Variants in MBD1 observed in about 807,000 individuals in gnomAD.
The protein encoded by MBD1 is methyl-CpG-binding domain protein 1.
A neutral mutation model predicts 82.6 loss-of-function variants in MBD1; 25 were observed. The ratio of observed to expected loss-of-function variants is 0.30; its 90% CI spans 0.22 to 0.42. The LOEUF (loss-of-function observed/expected upper bound fraction) is 0.42, where lower values mean the gene tolerates loss of function less well. Ranked by LOEUF, MBD1 falls within the 10% of genes least tolerant of loss-of-function variation. The pLI is 1.00. For missense variants in MBD1, 627 were observed against 819.6 expected (o/e 0.76, Z 2.87); for synonymous variants, 301 against 303.7 (o/e 0.99, Z 0.09).
upstream of MBD1, chr18:50,281,694 A>T (rs142148331): frequency 7.4e-3 from 3,094 of 419,816 alleles, 18 homozygotes; most frequent in Non-Finnish European, 0.011. Flanking sequence ...CTGCGTGCTG[A>T]CGTTCAACGA....
Position 50,274,940 on chromosome 18 carries a change from G to A in MBD1, c.978+37C>T, listed in dbSNP as rs141389875. The A allele has an allele frequency of 4.1e-4, 654 of 1,607,762 alleles. 6 individuals are homozygous for A. In the Middle Eastern group the frequency reaches 0.018, roughly 43 times the overall value. Reference sequence around the variant, plus strand: ...CTTTGAAGTTAACCAAGCGTCCTGAGATTCTAGGCTTATCCAGGTAGGGTG... The same window carrying A: ...CTTTGAAGTTAACCAAGCGTCCTGAAATTCTAGGCTTATCCAGGTAGGGTG... On this transcript the variant is annotated intron_variant, in intron 10 of 16. Transcript: ENST00000269468.
intron 16 of MBD1, chr18:50,270,574 G>C (rs1599219354): frequency 1.2e-5 from 4 of 336,180 alleles, no homozygotes; most frequent in East Asian, 1.5e-4. Flanking sequence ...GGCTGAAGAG[G>C]GGGAGTCAGG....
chr18:50,273,935 A>G, intron 11 of MBD1, 72 bp from the exon 12 acceptor site: 2 of 1,561,260 alleles, frequency 1.3e-6, no homozygotes, highest in Non-Finnish European at 1.8e-6. Flanking sequence ...CCGGCTCCAC[A>G]TGCCTGCTAA....
chr18:50,271,202 T>C, intron 16 of MBD1: 2 of 1,315,884 alleles, frequency 1.5e-6, no homozygotes, highest in Non-Finnish European at 1.9e-6. Context: ...ATATTACCTT[T>C]CTCCAACCCA....
intron 8 of MBD1, 62 bp downstream of exon 8, chr18:50,275,538 G>C: frequency 6.2e-7 from 1 of 1,613,398 alleles, no homozygotes; most frequent in East Asian, 2.2e-5. Context: ...AGGTTGAAAG[G>C]AAGCAGAGGC....
Position 50,269,364 on chromosome 18 carries a change from C to T in MBD1, c.*487G>A, listed in dbSNP as rs757492854. 1.2e-5 allele frequency: 16 copies of T among 1,315,382 alleles called. No homozygotes were observed. The highest frequency in any genetic ancestry group is 1.5e-5 in the African/African-American group (1 of 67,338). The allele number at this position is 1,315,382 out of a possible 1,614,324, so 81.5% of individuals were successfully genotyped here. On this transcript the variant is annotated 3_prime_UTR_variant, in exon 17 of 17. Coordinates refer to ENST00000269468, the MANE Select transcript of MBD1 (RefSeq NM_015846.4). ...GTCACCTTGGTGAGGCTATGTTTCC[C>T]GGAACTCTCTTCCAGTAAGATGGGC... is the stretch of plus-strand genomic sequence containing the variant.
downstream of MBD1, chr18:50,267,499 G>A: frequency 1.2e-6 from 1 of 818,264 alleles, no homozygotes. Context: ...AGAGTCTGAG[G>A]GTCACAGTGG....
At chr18:50,275,554 C>T (rs200510849) in intron 8 of MBD1, 46 bp downstream of exon 8, 236 of 1,613,866 alleles carry the variant, frequency 1.5e-4, no homozygotes, top group Non-Finnish European at 1.8e-4. Flanking sequence ...GAGGCAGCGA[C>T]GATTTTAACA....
upstream of MBD1, chr18:50,281,564 T>C (rs1329956912): frequency 1.7e-6 from 1 of 575,208 alleles, no homozygotes; most frequent in Admixed American, 3.2e-5. Flanking sequence ...GCTCCGCCTC[T>C]GGCTAAGCAC....
upstream of MBD1, chr18:50,281,665 T>C (rs530847060): frequency 9.2e-6 from 4 of 434,786 alleles, no homozygotes; most frequent in African/African-American, 6.0e-5. Context: ...CGCGCCCCCC[T>C]GCCGAGAGCC....
Position 50,269,134 on chromosome 18 carries a change from A to G in MBD1, c.*717T>C. On this transcript the variant is annotated 3_prime_UTR_variant, in exon 17 of 17. Transcript: ENST00000269468. ...AGTGCCTACCACAGGCCAGGTTCTC[A>G]ATACTTGAATAAATGACACAAAAAT... is the stretch of plus-strand genomic sequence containing the variant. 9.7e-7 allele frequency: 1 copy of G among 1,033,618 alleles called. No homozygotes were observed. The highest frequency in any genetic ancestry group is 1.2e-6 in the Non-Finnish European group (1 of 859,058). The allele number at this position is 1,033,618 out of a possible 1,614,324, so 64.0% of individuals were successfully genotyped here.
chr18:50,275,818 C>T lies in MBD1; in HGVS notation c.663+17G>A. 1.9e-6 allele frequency: 3 copies of T among 1,614,170 alleles called. No individual in the cohort carries two copies. The highest frequency in any genetic ancestry group is 2.5e-6 in the Non-Finnish European group (3 of 1,180,030). ...GGCCGAGGTGAGCCTTGGGCTCTTTCCACTTGCCCAACTCACCCTTTCCAC... is the reference window on the plus strand; with the variant it reads ...GGCCGAGGTGAGCCTTGGGCTCTTTTCACTTGCCCAACTCACCCTTTCCAC... On this transcript the variant is annotated intron_variant, in intron 7 of 16. Transcript: ENST00000269468.
chr18:50,276,159 G>T, intron 6 of MBD1, 178 bp from the exon 7 acceptor site: 1 of 867,908 alleles, frequency 1.2e-6, no homozygotes, highest in Non-Finnish European at 1.8e-6. Context: ...ATGTCTACTG[G>T]TCCCCTGTTC....
At chr18:50,270,087 T>C (rs751294842) in intron 16 of MBD1, 3 of 1,597,958 alleles carry the variant, frequency 1.9e-6, no homozygotes, top group Non-Finnish European at 8.5e-7. Flanking sequence ...GGTTGGTTCC[T>C]GGGGGAAACA....
intron 11 of MBD1, 62 bp downstream of exon 11, chr18:50,274,124 C>A (rs1398302809): frequency 6.2e-7 from 1 of 1,605,770 alleles, no homozygotes; most frequent in Non-Finnish European, 8.5e-7. Context: ...CCCACCACTT[C>A]CAGGCACTGG....
chr18:50,272,701 C>G lies in MBD1; in HGVS notation c.1754G>C (p.Arg585Pro). ...CCTTGGCAACCAGACTGCTGTATCTCGGAAGCGGGTTCCACCCAGGCTGAA... is the reference window on the plus strand; with the variant it reads ...CCTTGGCAACCAGACTGCTGTATCTGGGAAGCGGGTTCCACCCAGGCTGAA... ...EIFSLGGTRF[R>P]DTAVWLPRSK... Residue 585 changes from arginine (R) to proline (P), a missense_variant, in exon 15 of 17, where the codon CGA (arginine) becomes CCA (proline). Physicochemically the swap from Arg to Pro is moderately radical, Grantham distance 103 (BLOSUM62 -2). Coordinates refer to ENST00000269468, the MANE Select transcript of MBD1 (RefSeq NM_015846.4). 1 of 1,614,166 alleles carries G rather than the reference C, an allele frequency of 6.2e-7. No individual in the cohort carries two copies. The highest frequency in any genetic ancestry group is 1.3e-5 in the African/African-American group (1 of 75,050).
At chr18:50,273,498 T>G (rs2036489262) in intron 12 of MBD1, 27 bp from the exon 13 acceptor site, 1 of 1,613,728 alleles carries the variant, frequency 6.2e-7, no homozygotes. Flanking sequence ...TGCAGCAGAC[T>G]TGGTCTCAGC....
intron 16 of MBD1, chr18:50,270,498 G>A (rs1470320149): frequency 2.8e-6 from 1 of 357,880 alleles, no homozygotes; most frequent in Non-Finnish European, 5.5e-6. Context: ...GTGATCACAG[G>A]GCAGGAGATG....
chr18:50,273,048 C>T, intron 13 of MBD1, 93 bp from the exon 14 acceptor site: 2 of 1,496,178 alleles, frequency 1.3e-6, no homozygotes, highest in Admixed American at 1.7e-5. Context: ...CTGACAAATC[C>T]TACTTCCATC....
Sources: allele counts gnomAD v4.1 joint callset, GRCh38; gene constraint gnomAD v4.1.1; transcripts MANE v1.5; gene names NCBI Gene and HGNC (gene_info 2026-07-23, HGNC 2026-07-21).